The following HBP1 variants were observed in gnomAD, a reference collection of about 807,000 sequenced individuals.
HBP1 encodes HMG box-containing protein 1.
HBP1 carries 20 observed loss-of-function variants against 62.6 expected under a neutral mutation model. The observed-to-expected ratio is 0.32, with a 90% CI of 0.22 to 0.46. The LOEUF is 0.46. HBP1 is among the 20% of genes least tolerant of loss of function. The pLI is 1.00. For synonymous variants in HBP1, 232 were observed against 206.2 expected, an observed-to-expected ratio of 1.12 and a Z score of -1.07; for missense variants, 480 against 611.8, an observed-to-expected ratio of 0.78 and a Z score of 2.27.
At chr7:107,197,849 T>G (rs1798000482) in intron 9 of HBP1, among the ~76,000 whole-genome samples, 2 of 152,234 alleles carry the variant, frequency 1.3e-5, no homozygotes, top group Admixed American at 1.3e-4. Flanking sequence ...CTTTTAGGCT[T>G]TAAAGACATT....
chr7:107,201,095 T>G (rs1168626922), intron 10 of HBP1: 1 of 226,266 alleles, frequency 4.4e-6, no homozygotes, highest in East Asian at 9.0e-5. Flanking sequence ...CACAATTTCT[T>G]TAAAAATAGT....
chr7:107,180,955 A>G (rs941673626), intron 2 of HBP1, among the ~76,000 whole-genome samples: 8 of 152,158 alleles, frequency 5.3e-5, no homozygotes, highest in African/African-American at 1.9e-4. Flanking sequence ...TCCACCTATG[A>G]CTTCGTTTAA....
Position 107,183,226 on chromosome 7 carries a change from G to T in HBP1, c.398+625G>T, listed in dbSNP as rs80296749. 1.2e-4 allele frequency among the ~76,000 whole-genome samples: 19 copies of T among 152,200 alleles called. No homozygotes were observed. The East Asian group carries it at 3.5e-3, about 28-fold the overall frequency. Reference sequence around the variant, plus strand: ...TCATTATTTATCCCTGAAAAGAAATGGATAAATATGACAGTTTATAAGGGA... The same window carrying T: ...TCATTATTTATCCCTGAAAAGAAATTGATAAATATGACAGTTTATAAGGGA... On this transcript the variant is annotated intron_variant, in intron 3 of 10. Transcript: ENST00000222574.
intron 1 of HBP1, chr7:107,174,569 GA>G: frequency 1.0e-6 from 1 of 985,370 alleles, no homozygotes; most frequent in East Asian, 1.1e-4. Context: ...CTGTAGGGAA[GA>G]AAAAAGTTCT....
intron 1 of HBP1, among the ~76,000 whole-genome samples, chr7:107,176,143 A>G (rs1228660687): frequency 1.3e-5 from 2 of 151,162 alleles, no homozygotes; most frequent in African/African-American, 4.9e-5. Context: ...CTCCTGCCTC[A>G]GGTTGCTGAG....
At chr7:107,193,740 C>A (rs184767055) in intron 8 of HBP1, among the ~76,000 whole-genome samples, 1 of 152,116 alleles carries the variant, frequency 6.6e-6, no homozygotes, top group African/African-American at 2.4e-5. Context: ...TAGATGTACA[C>A]GCTGATTGAG....
At chr7:107,186,251 T>G (rs977829420) in intron 4 of HBP1, 110 bp from the exon 5 acceptor site, 1 of 635,216 alleles carries the variant, frequency 1.6e-6, no homozygotes, top group Non-Finnish European at 2.7e-6. Flanking sequence ...AGGTTAGAAT[T>G]ACTAAGTTAT....
chr7:107,190,648 T>G (rs536883094), intron 8 of HBP1, among the ~76,000 whole-genome samples: 1 of 152,342 alleles, frequency 6.6e-6, no homozygotes, highest in South Asian at 2.1e-4. Flanking sequence ...ATCTGGCCAG[T>G]TGTTCTTAAA....
At chr7:107,201,266 A>G (rs746523535) in intron 10 of HBP1, 148 bp from the exon 11 acceptor site, 17 of 479,692 alleles carry the variant, frequency 3.5e-5, no homozygotes, top group Non-Finnish European at 5.3e-5. Context: ...GAGCCATCAG[A>G]TATCAGCTAG....
At chr7:107,181,017 A>T (rs1797078078) in intron 2 of HBP1, among the ~76,000 whole-genome samples, 1 of 152,156 alleles carries the variant, frequency 6.6e-6, no homozygotes, top group Non-Finnish European at 1.5e-5. Context: ...GCAGTAAATA[A>T]ATGTTGGTCA....
intron 8 of HBP1, chr7:107,192,936 A>G (rs1423415283): frequency 6.6e-6 from 1 of 152,272 alleles, no homozygotes; most frequent in East Asian, 1.9e-4. Context: ...GGGGGAGGGC[A>G]AGAAGAGAAA....
chr7:107,171,821 C>T (rs1375363491), intron 1 of HBP1, among the ~76,000 whole-genome samples: 2 of 141,858 alleles, frequency 1.4e-5, no homozygotes, highest in East Asian at 4.1e-4. Flanking sequence ...GATCAGGCCA[C>T]TGTACTCCAG....
intron 1 of HBP1, chr7:107,169,659 G>A (rs1191990420): frequency 2.5e-6 from 2 of 792,352 alleles, no homozygotes; most frequent in African/African-American, 3.7e-5. Flanking sequence ...TGGACTGAGG[G>A]GGATTCTGGC....
At chr7:107,179,106 A>T (rs1796988869) in intron 1 of HBP1, among the ~76,000 whole-genome samples, 1 of 152,242 alleles carries the variant, frequency 6.6e-6, no homozygotes, top group Admixed American at 6.5e-5. Flanking sequence ...AAAATAAAAA[A>T]CACAGTAAAT....
At chr7:107,186,166 C>T (rs28630031) in intron 4 of HBP1, among the ~76,000 whole-genome samples, 195 bp from the exon 5 acceptor site, 17,253 of 114,730 alleles carry the variant, frequency 0.15, 1,495 homozygotes, top group Non-Finnish European at 0.22. Flanking sequence ...CTTTTTTTTT[C>T]TTTTTTTTTT....
At chr7:107,196,189 A>C in intron 9 of HBP1, 38 bp downstream of exon 9, 1 of 1,113,180 alleles carries the variant, frequency 9.0e-7, no homozygotes, top group East Asian at 2.4e-5. Flanking sequence ...ATAAATGAGT[A>C]ACACTTCAAT....
At chr7:107,189,568 A>G in intron 7 of HBP1, 120 bp downstream of exon 7, 1 of 678,980 alleles carries the variant, frequency 1.5e-6, no homozygotes, top group Non-Finnish European at 2.5e-6. Context: ...TTCAAACTAA[A>G]TAAAAAACTA....
chr7:107,185,332 A>AT (rs1003157546), intron 3 of HBP1, among the ~76,000 whole-genome samples: 5 of 152,202 alleles, frequency 3.3e-5, no homozygotes, highest in African/African-American at 9.7e-5. Context: ...TGCTTAAGGT[A>AT]GTTCTTGTAT....
At chr7:107,193,155 G>A (rs1797735524) in intron 8 of HBP1, 1 of 152,076 alleles carries the variant, frequency 6.6e-6, no homozygotes, top group Non-Finnish European at 1.5e-5. Flanking sequence ...GGCCTCAGGC[G>A]GGTTTAAAAC....
Sources: allele counts gnomAD v4.1 joint callset (sites outside exome capture counted in the v4.1 genomes callset), GRCh38; gene constraint gnomAD v4.1.1; transcripts MANE v1.5; gene names NCBI Gene and HGNC (gene_info 2026-07-23, HGNC 2026-07-21).